RAB44: variants seen among roughly 807,000 people sequenced by gnomAD.
RAB44 encodes RAB44, member RAS oncogene family.
RAB44 carries 67 observed loss-of-function variants against 93.3 expected under a neutral mutation model. That is an observed-to-expected ratio of 0.72 (90% CI 0.59 to 0.88). The LOEUF (loss-of-function observed/expected upper bound fraction) is 0.88, where lower values mean the gene tolerates loss of function less well. Ranked by LOEUF, RAB44 falls within the 40% of genes least tolerant of loss-of-function variation. The probability of loss-of-function intolerance (pLI) is 0.00; values close to 1 mark genes in which losing one functional copy is unlikely to be tolerated. For synonymous variants in RAB44, 427 were observed against 520.3 expected, an observed-to-expected ratio of 0.82 and a Z score of 2.44; for missense variants, 1,064 against 1,261.7, an observed-to-expected ratio of 0.84 and a Z score of 2.37.
intron 2 of RAB44, among the ~76,000 whole-genome samples, chr6:36,712,027 G>C (rs552819563): frequency 6.6e-6 from 1 of 152,224 alleles, no homozygotes; most frequent in Non-Finnish European, 1.5e-5. Context: ...AGCAGGCTGG[G>C]CGTGGTGGCT....
At chr6:36,725,184 T>C (rs1023270140) in intron 9 of RAB44, among the ~76,000 whole-genome samples, 4 of 152,192 alleles carry the variant, frequency 2.6e-5, no homozygotes, top group African/African-American at 9.7e-5. Flanking sequence ...GCATTTTTTT[T>C]TTTGAGATGG....
intron 1 of RAB44, among the ~76,000 whole-genome samples, chr6:36,702,788 CCT>C (rs1018605619): frequency 1.3e-5 from 2 of 152,182 alleles, no homozygotes; most frequent in African/African-American, 4.8e-5. Flanking sequence ...CAAACCACAG[CCT>C]CTCTTTTCCT....
chr6:36,723,102 G>A (rs1308761323), intron 9 of RAB44, among the ~76,000 whole-genome samples: 3 of 152,232 alleles, frequency 2.0e-5, no homozygotes, highest in African/African-American at 4.8e-5. Flanking sequence ...CTAGCTCCAG[G>A]CTGGGCAGCC....
chr6:36,720,520 G>A lies in RAB44; in HGVS notation c.986G>A (p.Arg329Gln), dbSNP rs556387219. ...TRGRLDAARG[R>Q]VSWQVEEKLS... The stretch of plus-strand genomic sequence containing the variant: ...GGGCGCCTGGACGCCGCCAGGGGCC[G>A]GGTGTCCTGGCAGGTGGAGGAGAAA... Residue 329 changes from arginine to glutamine, a missense_variant, in exon 8 of 14, where the codon CGG becomes CAG. By Grantham distance (43) the Arg-to-Gln change is conservative. Transcript: ENST00000612677. The A allele has an allele frequency of 2.6e-4, 319 of 1,233,908 alleles. No homozygotes were observed. The African/African-American group carries it at 4.3e-3, about 17-fold the overall frequency. The allele number at this position is 1,233,908 out of a possible 1,614,324, so 76.4% of individuals were successfully genotyped here.
At chr6:36,724,529 T>C (rs934574066) in intron 9 of RAB44, among the ~76,000 whole-genome samples, 6 of 152,212 alleles carry the variant, frequency 3.9e-5, no homozygotes, top group Non-Finnish European at 7.3e-5. Context: ...CTTCCATACA[T>C]GTCTTATTCC....
intron 1 of RAB44, 45 bp from the exon 2 acceptor site, chr6:36,704,179 C>T (rs1407390445): frequency 7.5e-6 from 11 of 1,471,260 alleles, no homozygotes; most frequent in South Asian, 2.4e-5. Context: ...CATGAGAGGG[C>T]GTGACTGTCC....
intron 1 of RAB44, among the ~76,000 whole-genome samples, chr6:36,698,796 G>A: frequency 6.6e-6 from 1 of 152,130 alleles, no homozygotes; most frequent in East Asian, 1.9e-4. Context: ...TGGCCGTGAG[G>A]GGTGCTGTGT....
intron 8 of RAB44, 28 bp downstream of exon 8, chr6:36,720,578 G>A: frequency 8.1e-7 from 1 of 1,232,936 alleles, no homozygotes. Flanking sequence ...CTGGACTGGG[G>A]TGGACTCTAA....
intron 2 of RAB44, among the ~76,000 whole-genome samples, chr6:36,710,378 T>G (rs1762754245): frequency 6.6e-6 from 1 of 152,238 alleles, no homozygotes; most frequent in Non-Finnish European, 1.5e-5. Context: ...TGTGTCCAAA[T>G]GTTCTTTTTA....
At chr6:36,714,654 A>G (rs1475329173) in intron 3 of RAB44, among the ~76,000 whole-genome samples, 2 of 152,220 alleles carry the variant, frequency 1.3e-5, no homozygotes, top group Non-Finnish European at 2.9e-5. Flanking sequence ...AGGAGAACTC[A>G]GGGGCTGGGC....
Position 36,722,618 on chromosome 6 carries a change from C to G in RAB44, c.2484C>G (p.Ala828=). The part of the protein sequence containing the change: ...GDPMAGGGPQ[A]NPDYLFHVIF... ...CCATGGCTGGAGGGGGACCCCAGGC[C>G]AACCCTGATTACCTCTTCCATGTCA... The change falls in exon 9 of 14, where the codon GCC becomes GCG. Residue 828 remains alanine, a synonymous_variant. Coordinates refer to ENST00000612677, the MANE Select transcript of RAB44 (RefSeq NM_001257357.2). The G allele has an allele frequency of 1.3e-6, 2 of 1,550,656 alleles. No individual in the cohort carries two copies. The highest frequency in any genetic ancestry group is 2.4e-5 in the South Asian group (2 of 84,066).
intron 4 of RAB44, among the ~76,000 whole-genome samples, chr6:36,716,294 AC>A (rs776434040): frequency 1.3e-5 from 2 of 151,392 alleles, no homozygotes; most frequent in East Asian, 2.0e-4. Context: ...ACATGATGAA[AC>A]CCCATCTCTA....
At chr6:36,707,332 G>C (rs1334396732) in intron 2 of RAB44, among the ~76,000 whole-genome samples, 2 of 151,794 alleles carry the variant, frequency 1.3e-5, no homozygotes. Context: ...ACTCCAGCCT[G>C]GGTGACAGCA....
At chr6:36,720,286 C>T in intron 7 of RAB44, 77 bp from the exon 8 acceptor site, 1 of 1,173,694 alleles carries the variant, frequency 8.5e-7, no homozygotes, top group African/African-American at 1.6e-5. Flanking sequence ...GGGTCTGTGT[C>T]CCACAATGGC....
rs914787355 is a variant in RAB44 at position 36,728,638 on chromosome 6, G to C, written c.2797-62G>C. On this transcript the variant is annotated intron_variant, in intron 11 of 13. Transcript: ENST00000612677. ...GGGACACAGTTCAGCTTCTAGGAAG[G>C]CAAATGTGCCAGGAGCCTGGCACAC... is the stretch of plus-strand genomic sequence containing the variant. The C allele has an allele frequency of 1.2e-5, 16 of 1,381,574 alleles. No individual in the cohort carries two copies. In the Admixed American group the frequency reaches 1.4e-4, roughly 12 times the overall value. The allele number at this position is 1,381,574 out of a possible 1,614,324, so 85.6% of individuals were successfully genotyped here.
intron 7 of RAB44, among the ~76,000 whole-genome samples, chr6:36,719,599 A>G (rs1238900045): frequency 6.6e-6 from 1 of 152,204 alleles, no homozygotes; most frequent in Non-Finnish European, 1.5e-5. Flanking sequence ...GATCAGTGCT[A>G]AGGAGAATAA....
At chr6:36,705,822 A>C (rs1249261954) in intron 2 of RAB44, among the ~76,000 whole-genome samples, 1 of 152,126 alleles carries the variant, frequency 6.6e-6, no homozygotes, top group African/African-American at 2.4e-5. Context: ...CTACAAACAG[A>C]GACAGTATTG....
At position 36,722,683 on chromosome 6, in the gene RAB44, T is replaced by C. The variant is rs1368285931; in HGVS notation, c.2549T>C (p.Leu850Pro). 9 of 1,550,664 alleles carry C rather than the reference T, an allele frequency of 5.8e-6. No homozygotes were observed. The highest frequency in any genetic ancestry group is 7.8e-6 in the Non-Finnish European group (9 of 1,147,012). The change falls in exon 9 of 14, where the codon CTG becomes CCG. Residue 850 changes from leucine (L) to proline (P), a missense_variant. Coordinates refer to ENST00000612677, the MANE Select transcript of RAB44 (RefSeq NM_001257357.2). ...GDSNVGKTSF[L>P]HLLHQNSFAT... ...TCCAACGTGGGCAAAACATCCTTCCTGCACCTGCTGCACCAGAATTCTTTC... is the reference window on the plus strand; with the variant it reads ...TCCAACGTGGGCAAAACATCCTTCCCGCACCTGCTGCACCAGAATTCTTTC...
At chr6:36,728,877 C>T in intron 12 of RAB44, 76 bp downstream of exon 12, 7 of 1,223,752 alleles carry the variant, frequency 5.7e-6, no homozygotes, top group Non-Finnish European at 8.2e-6. Flanking sequence ...GGATAGGCAT[C>T]ACCTGACCTG....
Sources: allele counts gnomAD v4.1 joint callset (sites outside exome capture counted in the v4.1 genomes callset), GRCh38; gene constraint gnomAD v4.1.1; transcripts MANE v1.5; gene names NCBI Gene and HGNC (gene_info 2026-07-23, HGNC 2026-07-21).